FNDC3B: variants seen among roughly 807,000 people sequenced by gnomAD.
The protein encoded by FNDC3B is fibronectin type III domain-containing protein 3B.
A neutral mutation model predicts 151.5 loss-of-function variants in FNDC3B; 12 were observed. That is an observed-to-expected ratio of 0.08 (90% confidence interval 0.05 to 0.13). FNDC3B has a LOEUF of 0.13. FNDC3B is among the 10% of genes least tolerant of loss of function. The probability of loss-of-function intolerance (pLI) is 1.00; values close to 1 mark genes in which losing one functional copy is unlikely to be tolerated. For synonymous variants in FNDC3B, 528 were observed against 549.0 expected (o/e 0.96, Z 0.54); for missense variants, 1,214 against 1,505.3 (o/e 0.81, Z 3.20).
intron 13 of FNDC3B, among the ~76,000 whole-genome samples, chr3:172,330,961 C>T (rs1291112237): frequency 1.3e-5 from 2 of 150,060 alleles, no homozygotes; most frequent in African/African-American, 5.0e-5. Flanking sequence ...ATCAGAAAAT[C>T]CTTTTGAATC....
intron 3 of FNDC3B, among the ~76,000 whole-genome samples, chr3:172,181,004 G>A (rs1185353738): frequency 6.6e-6 from 1 of 152,142 alleles, no homozygotes; most frequent in Non-Finnish European, 1.5e-5. Context: ...CTTGAGAGAA[G>A]CTGGCTTTCT....
chr3:172,192,926 G>A (rs1362661842), intron 3 of FNDC3B, among the ~76,000 whole-genome samples: 3 of 151,948 alleles, frequency 2.0e-5, no homozygotes, highest in Admixed American at 6.6e-5. Context: ...ACTCAAACTC[G>A]GTTATCTGAA....
intron 1 of FNDC3B, among the ~76,000 whole-genome samples, chr3:172,080,984 A>G (rs1718251234): frequency 6.6e-6 from 1 of 152,228 alleles, no homozygotes; most frequent in Non-Finnish European, 1.5e-5. Flanking sequence ...ACTCTTAAAA[A>G]TTGATTAACT....
intron 25 of FNDC3B, among the ~76,000 whole-genome samples, chr3:172,383,131 C>T (rs1735543905): frequency 1.3e-5 from 2 of 152,086 alleles, no homozygotes; most frequent in East Asian, 3.9e-4. Flanking sequence ...TGTTTGTGTC[C>T]TCTCTTATTT....
At position 172,340,574 on chromosome 3, in the gene FNDC3B, C is replaced by T. The variant is rs561296909; in HGVS notation, c.1853-539C>T. On this transcript the variant is annotated intron_variant, in intron 16 of 25. Coordinates refer to ENST00000415807, the MANE Select transcript of FNDC3B (RefSeq NM_022763.4). Reference sequence around the variant, plus strand: ...GTGCTGGGATTACAGGCGTGAGCCACCGCCTGTAATTTTTGTCTTTTAAGT... The same window carrying T: ...GTGCTGGGATTACAGGCGTGAGCCATCGCCTGTAATTTTTGTCTTTTAAGT... 2.0e-5 allele frequency among the ~76,000 whole-genome samples: 3 copies of T among 152,324 alleles called. No individual in the cohort carries two copies. The South Asian group carries it at 6.2e-4, about 32-fold the overall frequency.
At chr3:172,166,836 G>A (rs947158534) in intron 3 of FNDC3B, among the ~76,000 whole-genome samples, 1 of 130,524 alleles carries the variant, frequency 7.7e-6, no homozygotes, top group South Asian at 2.9e-4. Context: ...GCGGGTGGGT[G>A]GGGGGAGGGG....
chr3:172,319,633 A>G (rs1731981135), intron 11 of FNDC3B, among the ~76,000 whole-genome samples: 1 of 152,202 alleles, frequency 6.6e-6, no homozygotes. Flanking sequence ...CCCTGGGGGA[A>G]GAGTGGGGTT....
Position 172,168,695 on chromosome 3 carries a change from G to A in FNDC3B, c.187+35149G>A, listed in dbSNP as rs970712040. Among the ~76,000 whole-genome samples the A allele has an allele frequency of 4.6e-5, 7 of 150,750 alleles. No individual in the cohort carries two copies. The Admixed American group carries it at 4.6e-4, about 10-fold the overall frequency. On this transcript the variant is annotated intron_variant, in intron 3 of 25. Transcript: ENST00000415807. ...CATGTCTGTGTGATGGAAATACTGT[G>A]CTGCTGTGTATCTTTTTCTTTTACT...
chr3:172,252,579 A>G (rs1277184513), intron 6 of FNDC3B, among the ~76,000 whole-genome samples: 1 of 151,996 alleles, frequency 6.6e-6, no homozygotes, highest in African/African-American at 2.4e-5. Context: ...TTGTGAATGA[A>G]AAAGATGGAA....
intron 22 of FNDC3B, among the ~76,000 whole-genome samples, chr3:172,359,720 T>G (rs996175145): frequency 1.3e-5 from 2 of 152,190 alleles, no homozygotes; most frequent in Non-Finnish European, 2.9e-5. Context: ...AAAGCAATCT[T>G]ATAAGACTCA....
At position 172,399,528 on chromosome 3, in the gene FNDC3B, T is replaced by A. The variant is rs1560117875; in HGVS notation, c.*2053T>A. ...TGACGTAGTGAGTACTAGAGAGTTCTGTATTTTATTATTGACTATAATAAT... is the reference window on the plus strand; with the variant it reads ...TGACGTAGTGAGTACTAGAGAGTTCAGTATTTTATTATTGACTATAATAAT... On this transcript the variant is annotated 3_prime_UTR_variant, in exon 26 of 26. Coordinates refer to ENST00000415807, the MANE Select transcript of FNDC3B (RefSeq NM_022763.4). The A allele has an allele frequency of 6.6e-6, 1 of 152,668 alleles. No individual in the cohort carries two copies. Among genetic ancestry groups the A allele is most frequent in the Admixed American group, 6.5e-5 (1 of 15,288 alleles). 9.5% of individuals were successfully genotyped at this position (152,668 alleles called of 1,614,324 possible).
intron 3 of FNDC3B, among the ~76,000 whole-genome samples, chr3:172,214,433 A>G (rs1725878978): frequency 6.6e-6 from 1 of 152,208 alleles, no homozygotes; most frequent in Admixed American, 6.5e-5. Flanking sequence ...AGTTAAGTTA[A>G]TTTTTGGAGA....
chr3:172,078,299 CTT>C (rs1718120192), intron 1 of FNDC3B, among the ~76,000 whole-genome samples: 1 of 152,194 alleles, frequency 6.6e-6, no homozygotes, highest in South Asian at 2.1e-4. Flanking sequence ...ATTTTAGACT[CTT>C]TTTCTGTGAA....
At chr3:172,093,505 G>A (rs759427644) in intron 1 of FNDC3B, among the ~76,000 whole-genome samples, 2 of 151,650 alleles carry the variant, frequency 1.3e-5, no homozygotes, top group Non-Finnish European at 2.9e-5. Context: ...TGATCCGCCC[G>A]CCTTGGCCTC....
chr3:172,121,585 C>T lies in FNDC3B; in HGVS notation c.111+8995C>T, dbSNP rs528016941. ...AGATGCAAGGTAAAAGCAGTCCAAGCGCAGAGATGCAAATACTTGTGTTTA... is the reference window on the plus strand; with the variant it reads ...AGATGCAAGGTAAAAGCAGTCCAAGTGCAGAGATGCAAATACTTGTGTTTA... On this transcript the variant is annotated intron_variant, in intron 2 of 25. Transcript: ENST00000415807. Among the ~76,000 whole-genome samples the T allele has an allele frequency of 6.4e-4, 98 of 152,286 alleles. 1 individual carries two copies. Among genetic ancestry groups the T allele is most frequent in the Admixed American group, 4.5e-3 (69 of 15,302 alleles).
At chr3:172,275,027 G>A (rs1183773837) in intron 6 of FNDC3B, among the ~76,000 whole-genome samples, 1 of 151,724 alleles carries the variant, frequency 6.6e-6, no homozygotes, top group African/African-American at 2.4e-5. Flanking sequence ...TTTTCCTCTT[G>A]TGTGTTTTTA....
intron 1 of FNDC3B, among the ~76,000 whole-genome samples, chr3:172,109,155 C>T (rs1238216726): frequency 2.1e-5 from 3 of 145,046 alleles, no homozygotes; most frequent in African/African-American, 7.7e-5. Context: ...ACAAAGAAGG[C>T]CTTGGATTCT....
At chr3:172,235,924 G>A (rs62281790) in intron 4 of FNDC3B, among the ~76,000 whole-genome samples, 7,980 of 152,254 alleles carry the variant, frequency 0.052, 220 homozygotes, top group Middle Eastern at 0.11. Flanking sequence ...GGGCTGAAAA[G>A]ATGTGACTGG....
At chr3:172,139,381 C>T (rs899798840) in intron 3 of FNDC3B, among the ~76,000 whole-genome samples, 1 of 152,158 alleles carries the variant, frequency 6.6e-6, no homozygotes, top group African/African-American at 2.4e-5. Flanking sequence ...AAAAGCAAAG[C>T]ATGCATATGG....
Sources: allele counts gnomAD v4.1 joint callset (sites outside exome capture counted in the v4.1 genomes callset), GRCh38; gene constraint gnomAD v4.1.1; transcripts MANE v1.5; gene names NCBI Gene and HGNC (gene_info 2026-07-23, HGNC 2026-07-21).